TDRD5: variants seen among roughly 807,000 people sequenced by gnomAD.
The protein encoded by TDRD5 is tudor domain-containing protein 5.
TDRD5 carries 41 observed loss-of-function variants against 120.6 expected under a neutral mutation model. The observed-to-expected ratio is 0.34, with a 90% CI of 0.26 to 0.44. TDRD5 has a LOEUF of 0.44. Ranked by LOEUF, TDRD5 falls within the 20% of genes least tolerant of loss-of-function variation. The pLI is 1.00. For synonymous variants in TDRD5, 430 were observed against 433.7 expected, an observed-to-expected ratio of 0.99 and a Z score of 0.11; for missense variants, 1,006 against 1,221.2, an observed-to-expected ratio of 0.82 and a Z score of 2.63.
chr1:179,624,961 G>A (rs1677039228), intron 6 of TDRD5, among the ~76,000 whole-genome samples: 1 of 151,944 alleles, frequency 6.6e-6, no homozygotes, highest in Non-Finnish European at 1.5e-5. Context: ...GGTGCCAAAG[G>A]AATTCAAAAG....
intron 6 of TDRD5, among the ~76,000 whole-genome samples, chr1:179,627,068 A>T (rs573209680): frequency 1.6e-4 from 24 of 152,362 alleles, no homozygotes; most frequent in African/African-American, 4.6e-4. Flanking sequence ...TTAAATTATT[A>T]GACATTTTCA....
At chr1:179,684,312 C>T (rs1310361941) in intron 17 of TDRD5, among the ~76,000 whole-genome samples, 2 of 152,126 alleles carry the variant, frequency 1.3e-5, no homozygotes, top group African/African-American at 2.4e-5. Context: ...GTTTTCTATC[C>T]TTGCAATAGT....
intron 4 of TDRD5, among the ~76,000 whole-genome samples, chr1:179,617,756 T>C (rs922133234): frequency 5.3e-5 from 8 of 152,112 alleles, no homozygotes; most frequent in Admixed American, 1.3e-4. Context: ...CCCTGCTACT[T>C]TCTGATCACA....
intron 4 of TDRD5, among the ~76,000 whole-genome samples, chr1:179,601,892 A>G (rs555089431): frequency 1.3e-5 from 2 of 152,306 alleles, no homozygotes; most frequent in East Asian, 1.9e-4. Context: ...TGCAGCCTCC[A>G]TCTCCTGGGT....
At chr1:179,594,582 G>C (rs4652421) in intron 3 of TDRD5, among the ~76,000 whole-genome samples, 1 of 152,220 alleles carries the variant, frequency 6.6e-6, no homozygotes, top group Non-Finnish European at 1.5e-5. Context: ...GACCATCTGG[G>C]TAGTATCTCC....
At position 179,688,005 on chromosome 1, in the gene TDRD5, T is replaced by C. The variant is rs1282472056; in HGVS notation, c.2861-2691T>C. On this transcript the variant is annotated intron_variant, in intron 17 of 17. Transcript: ENST00000444136. ...AGTCTTTATTCTTTATCCAATTTGC[T>C]AGTCTGTGTCTTTTAATTGGAGCAT... Among the ~76,000 whole-genome samples the C allele has an allele frequency of 1.9e-4, 29 of 152,218 alleles. No homozygotes were observed. The East Asian group carries it at 4.1e-3, about 21-fold the overall frequency.
chr1:179,609,419 G>A (rs1676165885), intron 4 of TDRD5, among the ~76,000 whole-genome samples: 1 of 152,166 alleles, frequency 6.6e-6, no homozygotes, highest in African/African-American at 2.4e-5. Flanking sequence ...ATCACATAAA[G>A]TCAGGTATGG....
intron 7 of TDRD5, among the ~76,000 whole-genome samples, chr1:179,631,510 A>G (rs1206787470): frequency 6.6e-6 from 1 of 152,244 alleles, no homozygotes; most frequent in African/African-American, 2.4e-5. Flanking sequence ...CCGTGCATCA[A>G]AAGCTTTTTA....
chr1:179,642,030 T>C (rs1194058860), intron 11 of TDRD5, among the ~76,000 whole-genome samples: 1 of 152,164 alleles, frequency 6.6e-6, no homozygotes, highest in Admixed American at 6.5e-5. Context: ...TGTTCATTAC[T>C]TTCATATCAG....
At position 179,592,930 on chromosome 1, in the gene TDRD5, T is replaced by C. The variant is rs113382458; in HGVS notation, c.232+83T>C. On this transcript the variant is annotated intron_variant, in intron 2 of 17. Transcript: ENST00000444136. ...AATAATTATTCTAGTTCTGCAGTTA[T>C]TATGCATCCCAGCCAGTGGATTTTA... The C allele has an allele frequency of 4.0e-5, 54 of 1,352,092 alleles. No homozygotes were observed. The African/African-American group carries it at 4.8e-4, about 12-fold the overall frequency. 83.8% of individuals were successfully genotyped at this position (1,352,092 alleles called of 1,614,324 possible).
intron 4 of TDRD5, among the ~76,000 whole-genome samples, chr1:179,616,264 G>A (rs537390862): frequency 5.1e-4 from 78 of 152,132 alleles, no homozygotes; most frequent in East Asian, 9.7e-4. Flanking sequence ...TTTGTTCCAC[G>A]GTACTTTTGT....
chr1:179,650,355 C>G (rs956793236), intron 11 of TDRD5, among the ~76,000 whole-genome samples: 1 of 142,998 alleles, frequency 7.0e-6, no homozygotes, highest in African/African-American at 2.6e-5. Flanking sequence ...GAGCCGAGAT[C>G]ACGCCATTGC....
Position 179,595,765 on chromosome 1 carries a change from A to G in TDRD5, c.778A>G (p.Lys260Glu), listed in dbSNP as rs183977806. Residue 260 changes from lysine to glutamate, a missense_variant, in exon 4 of 18, where the codon AAG becomes GAG. Lys to Glu is a moderately conservative substitution (Grantham distance 56). This residue lies in a region of TDRD5 where 445 missense variants were observed against 515.5 expected (regional missense o/e 0.86). Coordinates refer to ENST00000444136, the MANE Select transcript of TDRD5 (RefSeq NM_001199085.3). ...AATAATGAGCATGGAAAAGACTTCC[A>G]AGTTAAATGTAGTGGAGACTTCAAG... ...KQIMSMEKTS[K>E]LNVVETSRLN... The G allele has an allele frequency of 5.0e-6, 8 of 1,613,878 alleles. No individual in the cohort carries two copies. The Admixed American group carries it at 8.3e-5, about 17-fold the overall frequency.
chr1:179,675,270 ATTATT>A (rs1165771561), intron 17 of TDRD5, among the ~76,000 whole-genome samples: 181 of 59,174 alleles, frequency 3.1e-3, no homozygotes, highest in African/African-American at 9.4e-3. Context: ...TATTATTATT[ATTATT>A]TTTTTTTTTT....
At chr1:179,665,377 G>C (rs1048833759) in intron 16 of TDRD5, among the ~76,000 whole-genome samples, 1 of 152,052 alleles carries the variant, frequency 6.6e-6, no homozygotes. Context: ...TATAATTTTA[G>C]CTCTTACATT....
intron 11 of TDRD5, among the ~76,000 whole-genome samples, chr1:179,642,255 C>G (rs1678094457): frequency 6.6e-6 from 1 of 152,052 alleles, no homozygotes; most frequent in African/African-American, 2.4e-5. Context: ...CATGTGCCAC[C>G]ATGCCCGGCT....
At chr1:179,639,520 G>T (rs955587955) in intron 9 of TDRD5, among the ~76,000 whole-genome samples, 1 of 152,200 alleles carries the variant, frequency 6.6e-6, no homozygotes, top group Non-Finnish European at 1.5e-5. Flanking sequence ...CTGGATTTGG[G>T]AGCTATCAGG....
chr1:179,685,488 T>C (rs1312131908), intron 17 of TDRD5, among the ~76,000 whole-genome samples: 1 of 152,208 alleles, frequency 6.6e-6, no homozygotes, highest in Non-Finnish European at 1.5e-5. Flanking sequence ...AGCCTCCAGC[T>C]TTGTTCTTTT....
chr1:179,665,708 T>C (rs981678381), intron 16 of TDRD5, among the ~76,000 whole-genome samples: 24 of 152,194 alleles, frequency 1.6e-4, no homozygotes, highest in African/African-American at 5.5e-4. Context: ...ATACTATTAA[T>C]TTATACCCCA....
Sources: allele counts gnomAD v4.1 joint callset (sites outside exome capture counted in the v4.1 genomes callset), GRCh38; gene constraint gnomAD v4.1.1; regional missense constraint gnomAD v4.1.1; transcripts MANE v1.5; gene names NCBI Gene and HGNC (gene_info 2026-07-23, HGNC 2026-07-21).